MYOCD: variants seen among roughly 807,000 people sequenced by gnomAD.
MYOCD encodes the protein myocardin.
Under a neutral mutation model 96.1 loss-of-function variants are expected in MYOCD, and 32 were observed. That is an observed-to-expected ratio of 0.33 (90% CI 0.25 to 0.45). The LOEUF (loss-of-function observed/expected upper bound fraction) is 0.45. Among genes scored for constraint, MYOCD ranks in the 20% least tolerant of loss-of-function variants. The pLI is 1.00. For missense variants in MYOCD, 1,133 were observed against 1,200.6 expected (o/e 0.94, Z 0.83); for synonymous variants, 469 against 469.0 (o/e 1.00, Z 0.00).
At chr17:12,740,301 G>A (rs771621931) in intron 7 of MYOCD, among the ~76,000 whole-genome samples, 2 of 152,066 alleles carry the variant, frequency 1.3e-5, no homozygotes, top group Non-Finnish European at 2.9e-5. Flanking sequence ...TACACAATAC[G>A]GAATCTTTTA....
intron 6 of MYOCD, among the ~76,000 whole-genome samples, chr17:12,736,702 G>A (rs546022618): frequency 6.6e-6 from 1 of 152,318 alleles, no homozygotes; most frequent in Admixed American, 6.5e-5. Flanking sequence ...GAGCAGGACT[G>A]ATTCAAAGTT....
chr17:12,765,362 C>A lies in MYOCD; in HGVS notation c.*1718C>A, dbSNP rs895886578. The A allele has an allele frequency of 6.7e-6, 1 of 149,372 alleles. No homozygotes were observed. Among genetic ancestry groups the A allele is most frequent in the Non-Finnish European group, 1.5e-5 (1 of 67,448 alleles). The allele number at this position is 149,372 out of a possible 1,614,324, so 9.3% of individuals were successfully genotyped here. ...ACTGTGCACTTATAGAAAAAATAAT[C>A]AAAAATGTTGGGATTTTAGAAGCTC... On this transcript the variant is annotated 3_prime_UTR_variant, in exon 14 of 14. Coordinates refer to ENST00000425538, the MANE Select transcript of MYOCD (RefSeq NM_001146312.3).
At chr17:12,701,686 A>C (rs1228383376) in intron 1 of MYOCD, among the ~76,000 whole-genome samples, 1 of 152,118 alleles carries the variant, frequency 6.6e-6, no homozygotes, top group East Asian at 1.9e-4. Flanking sequence ...TTTCCCTCTC[A>C]TCACTGCTTT....
intron 1 of MYOCD, among the ~76,000 whole-genome samples, chr17:12,697,014 G>T (rs2030784461): frequency 6.6e-6 from 1 of 152,032 alleles, no homozygotes; most frequent in Non-Finnish European, 1.5e-5. Context: ...AAACAGGCTG[G>T]ATTTGCTGCT....
In MYOCD at chr17:12,667,474, G is replaced by T. The variant is rs547647178; in HGVS notation, c.55+1231G>T. Reference sequence around the variant, plus strand: ...TCCTTCCTTTCCTTTCCATGGTGAGGTGAGGCGGTTGATCTGTTAACCAGC... The same window carrying T: ...TCCTTCCTTTCCTTTCCATGGTGAGTTGAGGCGGTTGATCTGTTAACCAGC... On this transcript the variant is annotated intron_variant, in intron 1 of 13. Transcript: ENST00000425538. Among the ~76,000 whole-genome samples, 9 of 152,304 alleles carry T rather than the reference G, an allele frequency of 5.9e-5. No individual in the cohort carries two copies. In the South Asian group the frequency reaches 1.9e-3, roughly 32 times the overall value.
chr17:12,753,355 A>T lies in MYOCD; in HGVS notation c.2058+9A>T. 6.5e-7 allele frequency: 1 copy of T among 1,543,570 alleles called. No homozygotes were observed. Among genetic ancestry groups the T allele is most frequent in the Non-Finnish European group, 8.7e-7 (1 of 1,145,052 alleles). On this transcript the variant is annotated intron_variant, in intron 10 of 13. Transcript: ENST00000425538. ...AGGTGTGCACTGCACAGGTAAGAGC[A>T]CCTTGCGCCATGCCTGGTGCACACT...
chr17:12,703,512 C>A (rs540516023), intron 1 of MYOCD, among the ~76,000 whole-genome samples: 9 of 151,890 alleles, frequency 5.9e-5, no homozygotes, highest in Middle Eastern at 3.4e-3. Context: ...AATTGCTATT[C>A]CCTCTTATAA....
chr17:12,734,141 C>CT (rs1425386430), intron 5 of MYOCD, among the ~76,000 whole-genome samples: 10 of 152,128 alleles, frequency 6.6e-5, no homozygotes, highest in Non-Finnish European at 1.3e-4. Flanking sequence ...TTAATTTCCT[C>CT]TAATTTGTAC....
intron 1 of MYOCD, among the ~76,000 whole-genome samples, chr17:12,697,361 T>TATATATATATATATATATATATA: frequency 2.3e-5 from 1 of 43,742 alleles, no homozygotes; most frequent in Admixed American, 3.1e-4. Flanking sequence ...ATATATATAT[T>TATATATATATATATATATATATA]TTTTTTTTTT....
rs1188704532 is a variant in MYOCD, at chr17:12,739,862, T to G, written c.717+534T>G. 2.6e-5 allele frequency among the ~76,000 whole-genome samples: 4 copies of G among 152,342 alleles called. No individual in the cohort carries two copies. In the East Asian group the frequency reaches 7.7e-4, roughly 29 times the overall value. Reference sequence around the variant, plus strand: ...TATATCTTTTTGTTAATTTTTATTTTTATTTCAATAGTTTTGGGGGTGCAG... The same window carrying G: ...TATATCTTTTTGTTAATTTTTATTTGTATTTCAATAGTTTTGGGGGTGCAG... On this transcript the variant is annotated intron_variant, in intron 7 of 13. Coordinates refer to ENST00000425538, the MANE Select transcript of MYOCD (RefSeq NM_001146312.3).
At chr17:12,718,620 G>A (rs1165672945) in intron 4 of MYOCD, among the ~76,000 whole-genome samples, 4 of 152,160 alleles carry the variant, frequency 2.6e-5, no homozygotes, top group Non-Finnish European at 4.4e-5. Flanking sequence ...ATTTTAAGAC[G>A]GAGAACTGTT....
chr17:12,737,672 G>A (rs2150705063), intron 6 of MYOCD, among the ~76,000 whole-genome samples: 1 of 152,260 alleles, frequency 6.6e-6, no homozygotes, highest in South Asian at 2.1e-4. Flanking sequence ...CACAGAAATT[G>A]TGCAATGAAC....
rs759496322 is a variant in MYOCD, at chr17:12,717,390, T to C, written c.222T>C (p.Ser74=). The C allele has an allele frequency of 1.9e-6, 3 of 1,614,082 alleles. No homozygotes were observed. Among genetic ancestry groups the C allele is most frequent in the East Asian group, 2.2e-5 (1 of 44,878 alleles). Residue 74 remains serine (S), a synonymous_variant, in exon 4 of 14, where the codon AGT becomes AGC. Coordinates refer to ENST00000425538, the MANE Select transcript of MYOCD (RefSeq NM_001146312.3). ...GCAAAGCCAGAAACAGGTGCAACAG[T>C]GCCGACTTGGTTAATATGCACATAC... The part of the protein sequence containing the change: ...LKRKARNRCN[S]ADLVNMHILQ...
chr17:12,678,017 C>T (rs1302199456), intron 1 of MYOCD, among the ~76,000 whole-genome samples: 1 of 150,708 alleles, frequency 6.6e-6, no homozygotes, highest in South Asian at 2.1e-4. Context: ...CTCAGCCTCT[C>T]GAGTAGCTGG....
chr17:12,712,400 C>T (rs1395122653), intron 2 of MYOCD, among the ~76,000 whole-genome samples: 3 of 152,136 alleles, frequency 2.0e-5, no homozygotes, highest in Non-Finnish European at 4.4e-5. Context: ...GCTTCTGTTG[C>T]TGGAGTTGCC....
chr17:12,748,008 T>A (rs1205075275), intron 9 of MYOCD, among the ~76,000 whole-genome samples: 1 of 149,092 alleles, frequency 6.7e-6, no homozygotes, highest in African/African-American at 2.5e-5. Flanking sequence ...ACGAAAAATA[T>A]AAAAATTAGC....
chr17:12,766,503 T>C lies in MYOCD; in HGVS notation c.*2859T>C, dbSNP rs1469822320. On this transcript the variant is annotated 3_prime_UTR_variant, in exon 14 of 14. Coordinates refer to ENST00000425538, the MANE Select transcript of MYOCD (RefSeq NM_001146312.3). The stretch of plus-strand genomic sequence containing the variant: ...ACCCTCTCTCTTCATAGCTCAGACA[T>C]GAAATTTGAGGGAGAAAACTGGAGA... 6.6e-6 allele frequency: 1 copy of C among 152,182 alleles called. No individual in the cohort carries two copies. The highest frequency in any genetic ancestry group is 1.5e-5 in the Non-Finnish European group (1 of 68,032). The allele number at this position is 152,182 out of a possible 1,614,324, so 9.4% of individuals were successfully genotyped here. A position where few individuals can be genotyped will look rare whatever the true frequency, so the allele number is the denominator to read the frequency against.
intron 2 of MYOCD, among the ~76,000 whole-genome samples, chr17:12,712,468 T>C (rs956110148): frequency 1.3e-5 from 2 of 152,200 alleles, no homozygotes; most frequent in Non-Finnish European, 2.9e-5. Flanking sequence ...CAATGAGTTC[T>C]CTGTGGTTCC....
At chr17:12,736,357 ACG>A in intron 6 of MYOCD, 21 bp downstream of exon 6, 4 of 1,608,654 alleles carry the variant, frequency 2.5e-6, no homozygotes, top group Non-Finnish European at 3.4e-6. Context: ...AAACAAACAA[ACG>A]AAAAAAGTAA....
Sources: allele counts gnomAD v4.1 joint callset (sites outside exome capture counted in the v4.1 genomes callset), GRCh38; gene constraint gnomAD v4.1.1; transcripts MANE v1.5; gene names NCBI Gene and HGNC (gene_info 2026-07-23, HGNC 2026-07-21).